Variants in GPC5 observed in about 807,000 individuals in gnomAD.
GPC5 encodes the protein glypican-5.
In GPC5, 47 loss-of-function variants were observed where a neutral mutation model predicts 53.9. The ratio of observed to expected loss-of-function variants is 0.87; its 90% CI spans 0.69 to 1.11. The LOEUF is 1.11. GPC5 is among the 50% of genes most tolerant of loss of function. The pLI is 0.00. For missense variants in GPC5, 748 were observed against 713.1 expected (o/e 1.05, Z -0.56); for synonymous variants, 286 against 263.3 (o/e 1.09, Z -0.84).
intron 2 of GPC5, among the ~76,000 whole-genome samples, chr13:91,678,270 G>A (rs974236495): frequency 1.4e-4 from 21 of 152,262 alleles, no homozygotes; most frequent in Non-Finnish European, 1.6e-4. Flanking sequence ...CTTAGGATGC[G>A]GTAAAATCAG....
intron 5 of GPC5, among the ~76,000 whole-genome samples, chr13:91,846,405 T>C (rs892969498): frequency 6.6e-6 from 1 of 152,212 alleles, no homozygotes; most frequent in African/African-American, 2.4e-5. Context: ...ATAAGGGTTT[T>C]ATTGAACTTT....
chr13:92,638,068 A>T (rs1885468287), intron 7 of GPC5, among the ~76,000 whole-genome samples: 1 of 152,174 alleles, frequency 6.6e-6, no homozygotes, highest in Non-Finnish European at 1.5e-5. Context: ...AAATAAATAT[A>T]TGGGAAGAGA....
At chr13:92,073,353 C>T (rs1420382482) in intron 6 of GPC5, among the ~76,000 whole-genome samples, 1 of 152,138 alleles carries the variant, frequency 6.6e-6, no homozygotes, top group Non-Finnish European at 1.5e-5. Context: ...ACCCAATAAG[C>T]TTTCTTTTTC....
At chr13:92,593,917 T>C (rs537059667) in intron 7 of GPC5, among the ~76,000 whole-genome samples, 1 of 152,270 alleles carries the variant, frequency 6.6e-6, no homozygotes, top group South Asian at 2.1e-4. Context: ...AATACATTTA[T>C]TTCCCCATCC....
At chr13:91,473,042 T>C (rs1882723418) in intron 2 of GPC5, among the ~76,000 whole-genome samples, 1 of 152,110 alleles carries the variant, frequency 6.6e-6, no homozygotes, top group Admixed American at 6.6e-5. Context: ...TCAGGAAACT[T>C]ACGATCATGA....
At chr13:92,023,373 C>T (rs1040374199) in intron 6 of GPC5, among the ~76,000 whole-genome samples, 9 of 151,938 alleles carry the variant, frequency 5.9e-5, no homozygotes, top group Non-Finnish European at 1.2e-4. Flanking sequence ...CTTTCCTCAT[C>T]TGTCAAGAAA....
intron 7 of GPC5, among the ~76,000 whole-genome samples, chr13:92,474,524 A>G (rs1292419255): frequency 6.6e-6 from 1 of 152,004 alleles, no homozygotes; most frequent in Non-Finnish European, 1.5e-5. Flanking sequence ...ATATATATTC[A>G]CAATGCTCAG....
intron 2 of GPC5, among the ~76,000 whole-genome samples, chr13:91,521,317 C>A (rs1255547337): frequency 6.6e-6 from 1 of 152,152 alleles, no homozygotes; most frequent in African/African-American, 2.4e-5. Flanking sequence ...CATTTAAGTT[C>A]CACAATATTC....
At chr13:91,482,623 G>A (rs1427871223) in intron 2 of GPC5, among the ~76,000 whole-genome samples, 1 of 152,200 alleles carries the variant, frequency 6.6e-6, no homozygotes, top group African/African-American at 2.4e-5. Flanking sequence ...GCACATTAAA[G>A]CAGGAGAACC....
chr13:92,783,933 T>C (rs1485928364), intron 7 of GPC5, among the ~76,000 whole-genome samples: 1 of 152,172 alleles, frequency 6.6e-6, no homozygotes, highest in African/African-American at 2.4e-5. Flanking sequence ...TCTGTTTAAA[T>C]CCAGTAACTG....
chr13:92,056,500 G>A (rs761385871), intron 6 of GPC5, among the ~76,000 whole-genome samples: 8 of 152,160 alleles, frequency 5.3e-5, no homozygotes, highest in Admixed American at 2.6e-4. Flanking sequence ...TACCACAATC[G>A]TGTTTCTTTT....
chr13:92,522,017 A>ACATGAAAAAATGTT (rs1351445242), intron 7 of GPC5, among the ~76,000 whole-genome samples: 1 of 152,260 alleles, frequency 6.6e-6, no homozygotes, highest in African/African-American at 2.4e-5. Context: ...GCCAACAGAC[A>ACATGAAAAAATGTT]CATGAAAAAA....
chr13:92,126,830 GTGTGTATGTATGCATGTGTGTGCATT>G (rs2041701634), intron 6 of GPC5, among the ~76,000 whole-genome samples: 1 of 151,124 alleles, frequency 6.6e-6, no homozygotes, highest in Admixed American at 6.6e-5. Flanking sequence ...GTGTGTGTGT[GTGTGTATGTATGCATGTGTGTGCATT>G]TGTGTGTATG....
At chr13:91,908,880 C>T (rs541840363) in intron 6 of GPC5, among the ~76,000 whole-genome samples, 1 of 152,094 alleles carries the variant, frequency 6.6e-6, no homozygotes, top group South Asian at 2.1e-4. Flanking sequence ...TATCATGAGT[C>T]AGAAACAATA....
chr13:91,732,718 C>A (rs1157304707), intron 4 of GPC5, among the ~76,000 whole-genome samples: 1 of 152,044 alleles, frequency 6.6e-6, no homozygotes, highest in Non-Finnish European at 1.5e-5. Flanking sequence ...AGGAAGGGGT[C>A]CAGTTTCAGT....
At chr13:92,761,672 C>A (rs1250241963) in intron 7 of GPC5, among the ~76,000 whole-genome samples, 1 of 152,090 alleles carries the variant, frequency 6.6e-6, no homozygotes, top group African/African-American at 2.4e-5. Context: ...TTCATTCAAC[C>A]ACTCTATGTA....
chr13:92,040,457 A>C (rs1356494197), intron 6 of GPC5, among the ~76,000 whole-genome samples: 1 of 152,240 alleles, frequency 6.6e-6, no homozygotes, highest in Non-Finnish European at 1.5e-5. Flanking sequence ...AGCCGGTTAG[A>C]AAATGAATGA....
chr13:91,571,814 CGT>C (rs375272699), intron 2 of GPC5, among the ~76,000 whole-genome samples: 1 of 95,734 alleles, frequency 1.0e-5, no homozygotes, highest in African/African-American at 5.7e-5. Flanking sequence ...CACACACATA[CGT>C]GTGTGTATAT....
chr13:91,938,929 G>A (rs1371287967), intron 6 of GPC5, among the ~76,000 whole-genome samples: 3 of 151,932 alleles, frequency 2.0e-5, no homozygotes, highest in South Asian at 2.1e-4. Flanking sequence ...TTTATACTGA[G>A]TTTTCAATTT....
Sources: allele counts gnomAD v4.1 joint callset (sites outside exome capture counted in the v4.1 genomes callset), GRCh38; gene constraint gnomAD v4.1.1; transcripts MANE v1.5; gene names NCBI Gene and HGNC (gene_info 2026-07-23, HGNC 2026-07-21).